WASHC5: variants seen among roughly 807,000 people sequenced by gnomAD.
WASHC5 encodes the protein WASH complex subunit strumpellin.
WASHC5 carries 101 observed loss-of-function variants against 150.4 expected under a neutral mutation model. The ratio of observed to expected loss-of-function variants is 0.67; its 90% CI spans 0.57 to 0.79. The LOEUF (loss-of-function observed/expected upper bound fraction) is 0.79. WASHC5 is among the 30% of genes least tolerant of loss of function. The pLI is 0.00. For missense variants in WASHC5, 1,195 were observed against 1,396.3 expected (o/e 0.86, Z 2.30); for synonymous variants, 467 against 491.2 (o/e 0.95, Z 0.65).
intron 28 of WASHC5, among the ~76,000 whole-genome samples, chr8:125,027,535 G>A (rs535030551): frequency 1.5e-3 from 228 of 152,292 alleles, no homozygotes; most frequent in Non-Finnish European, 1.6e-3. Flanking sequence ...ACCAAACATC[G>A]TATATTCCTA....
chr8:125,045,573 A>C (rs1035330990), intron 20 of WASHC5, among the ~76,000 whole-genome samples: 7 of 152,220 alleles, frequency 4.6e-5, no homozygotes, highest in African/African-American at 1.7e-4. Context: ...TTGCATTTTC[A>C]GCAAGCTCCA....
chr8:125,061,053 G>T, intron 12 of WASHC5, 29 bp downstream of exon 12: 5 of 1,278,170 alleles, frequency 3.9e-6, no homozygotes, highest in Non-Finnish European at 5.7e-6. Context: ...CATGATCCAA[G>T]AACCTGCATT....
At chr8:125,047,544 T>G (rs1816105671) in intron 19 of WASHC5, among the ~76,000 whole-genome samples, 1 of 151,458 alleles carries the variant, frequency 6.6e-6, no homozygotes, top group Admixed American at 6.6e-5. Context: ...TGCAAGCGAT[T>G]CTTTTGCCTC....
intron 19 of WASHC5, among the ~76,000 whole-genome samples, chr8:125,048,366 T>C (rs1293900748): frequency 6.6e-6 from 1 of 152,208 alleles, no homozygotes; most frequent in East Asian, 1.9e-4. Flanking sequence ...TATTCTTTTT[T>C]TACCCAATTA....
At chr8:125,024,915 G>A (rs919803081) in intron 28 of WASHC5, among the ~76,000 whole-genome samples, 1 of 151,994 alleles carries the variant, frequency 6.6e-6, no homozygotes, top group Admixed American at 6.6e-5. Flanking sequence ...CCAAATCTGA[G>A]CTTCTTGGCT....
chr8:125,052,307 C>T (rs1345558823), intron 17 of WASHC5, among the ~76,000 whole-genome samples: 1 of 152,112 alleles, frequency 6.6e-6, no homozygotes, highest in Non-Finnish European at 1.5e-5. Flanking sequence ...TCTTCTAATC[C>T]TTCCCGCATT....
chr8:125,081,757 T>C lies in WASHC5; in HGVS notation c.422A>G (p.Glu141Gly), dbSNP rs1817272884. The change falls in exon 5 of 29, where the codon GAA becomes GGA. Residue 141 changes from glutamate to glycine, a missense_variant. By Grantham distance (98) the Glu-to-Gly change is moderately conservative. Coordinates refer to ENST00000318410, the MANE Select transcript of WASHC5 (RefSeq NM_014846.4). ...CATAACTCCATATAAGTACAGTGCTTCACACTAAGAAGAGAAGAGGACAAA... is the reference window on the plus strand; with the variant it reads ...CATAACTCCATATAAGTACAGTGCTCCACACTAAGAAGAGAAGAGGACAAA... ...LNEDGKQLLCEALYLYGVMLL... is the reference protein window; with the variant it reads ...LNEDGKQLLCGALYLYGVMLL... 2 of 1,596,660 alleles carry C rather than the reference T, an allele frequency of 1.3e-6. No homozygotes were observed. Among genetic ancestry groups the C allele is most frequent in the Non-Finnish European group, 1.7e-6 (2 of 1,164,326 alleles).
intron 9 of WASHC5, 92 bp from the exon 10 acceptor site, chr8:125,067,811 C>T (rs1361311853): frequency 7.0e-6 from 10 of 1,421,796 alleles, no homozygotes; most frequent in Non-Finnish European, 9.7e-6. Flanking sequence ...TTCATTTTAA[C>T]CATTTAAAAA....
intron 10 of WASHC5, among the ~76,000 whole-genome samples, chr8:125,063,970 C>T (rs1364595191): frequency 1.3e-5 from 2 of 152,104 alleles, no homozygotes; most frequent in African/African-American, 2.4e-5. Context: ...GGCCAGAAAT[C>T]CGCATTTTTA....
intron 8 of WASHC5, among the ~76,000 whole-genome samples, chr8:125,074,457 T>C (rs765454072): frequency 6.6e-6 from 1 of 152,218 alleles, no homozygotes; most frequent in African/African-American, 2.4e-5. Context: ...CAAGATTTTA[T>C]CTTTATTCCT....
At chr8:125,055,252 G>A (rs1390649890) in intron 17 of WASHC5, among the ~76,000 whole-genome samples, 4 of 152,060 alleles carry the variant, frequency 2.6e-5, no homozygotes, top group Admixed American at 6.6e-5. Flanking sequence ...GGTGAAACTC[G>A]TCTCTATTAA....
At position 125,063,513 on chromosome 8, in the gene WASHC5, A is replaced by G; in HGVS notation, c.1408+9T>C. The stretch of plus-strand genomic sequence containing the variant: ...CCAAACACACCAGTATTTCCTCTTC[A>G]GTAATTACCATTTTTCTCCACTCTG... On this transcript the variant is annotated intron_variant, in intron 11 of 28. Coordinates refer to ENST00000318410, the MANE Select transcript of WASHC5 (RefSeq NM_014846.4). 3.7e-6 allele frequency: 6 copies of G among 1,613,592 alleles called. No homozygotes were observed. In the South Asian group the frequency reaches 5.5e-5, roughly 15 times the overall value.
At chr8:125,032,470 G>C in intron 26 of WASHC5, 76 bp from the exon 27 acceptor site, 1 of 1,510,336 alleles carries the variant, frequency 6.6e-7, no homozygotes. Context: ...ACGCTGTGAA[G>C]GTCAAAATGT....
chr8:125,063,089 T>C (rs1586366621), intron 11 of WASHC5, among the ~76,000 whole-genome samples: 2 of 152,186 alleles, frequency 1.3e-5, no homozygotes, highest in African/African-American at 4.8e-5. Flanking sequence ...TCTATGCTGG[T>C]AGATTATGAC....
At chr8:125,039,750 A>T (rs1445136577) in intron 24 of WASHC5, 45 bp downstream of exon 24, 1 of 1,337,008 alleles carries the variant, frequency 7.5e-7, no homozygotes, top group Non-Finnish European at 1.1e-6. Flanking sequence ...GTAGATAATA[A>T]ACAATCCAAG....
In WASHC5 at chr8:125,044,680, G is replaced by C; in HGVS notation, c.2523C>G (p.Asp841Glu). The change falls in exon 21 of 29, where the codon GAC becomes GAG. Residue 841 changes from aspartate (D) to glutamate (E), a missense_variant. This residue lies in a region of WASHC5 where 997 missense variants were observed against 1,168.1 expected (regional missense o/e 0.85). Transcript: ENST00000318410. ...ITDPKMTCHIDQLNTWYDMKT... is the reference protein window; with the variant it reads ...ITDPKMTCHIEQLNTWYDMKT... ...TCATATCATACCAAGTGTTCAGCTG[G>C]TCTATGTGACATGTCATTCTAAAAT... The C allele has an allele frequency of 1.2e-6, 2 of 1,614,012 alleles. No homozygotes were observed. Among genetic ancestry groups the C allele is most frequent in the Non-Finnish European group, 1.7e-6 (2 of 1,179,942 alleles).
At chr8:125,034,506 A>C (rs1419476524) in intron 26 of WASHC5, among the ~76,000 whole-genome samples, 1 of 151,248 alleles carries the variant, frequency 6.6e-6, no homozygotes, top group Non-Finnish European at 1.5e-5. Context: ...CTGTTTCAGA[A>C]AAAAAAAAAG....
intron 6 of WASHC5, among the ~76,000 whole-genome samples, chr8:125,078,168 A>C (rs1817119280): frequency 6.6e-6 from 1 of 152,222 alleles, no homozygotes; most frequent in Non-Finnish European, 1.5e-5. Context: ...TGACTACTAC[A>C]CATACTGGCA....
intron 26 of WASHC5, among the ~76,000 whole-genome samples, chr8:125,035,927 AT>A (rs921230313): frequency 1.3e-5 from 2 of 152,236 alleles, no homozygotes; most frequent in Admixed American, 6.5e-5. Flanking sequence ...TCTATAGTGG[AT>A]TTTTAAAAAT....
Sources: gnomAD v4.1 joint callset for allele counts (sites outside exome capture counted in the v4.1 genomes callset) on GRCh38, gnomAD v4.1.1 for gene constraint, gnomAD v4.1.1 regional missense constraint, MANE v1.5 for transcripts, NCBI Gene and HGNC (gene_info 2026-07-23, HGNC 2026-07-21) for gene names.